PRKCZ: variants seen among roughly 807,000 people sequenced by gnomAD.
The protein encoded by PRKCZ is protein kinase C zeta.
A neutral mutation model predicts 79.5 loss-of-function variants in PRKCZ; 33 were observed. That is an observed-to-expected ratio of 0.41 (90% confidence interval 0.31 to 0.55). The LOEUF is 0.55. PRKCZ is among the 20% of genes least tolerant of loss of function. The pLI is 0.19. For missense variants in PRKCZ, 578 were observed against 813.5 expected (o/e 0.71, Z 3.52); for synonymous variants, 342 against 320.9 (o/e 1.07, Z -0.70).
Position 2,059,589 on chromosome 1 carries a change from A to C in PRKCZ, c.332A>C (p.Asp111Ala), listed in dbSNP as rs781419399. ...CCTGGCCTGCCATGTCCGGGAGAAGACAGTGAGTACTGGGGTTTCCTACGC... is the reference window on the plus strand; with the variant it reads ...CCTGGCCTGCCATGTCCGGGAGAAGCCAGTGAGTACTGGGGTTTCCTACGC... ...EQPGLPCPGE[D>A]KSIYRRGARR... Residue 111 changes from aspartate (D) to alanine (A), a missense_variant and splice_region_variant, in exon 4 of 18, where the codon GAC (aspartate) becomes GCC (alanine). By Grantham distance (126) the Asp-to-Ala change is moderately radical (BLOSUM62 -2). Around this residue, in one of 4 missense-constraint regions of PRKCZ, gnomAD observed 228 missense variants for 211.6 expected, o/e 1.08. Transcript: ENST00000378567. The C allele has an allele frequency of 7.4e-6, 12 of 1,614,148 alleles. No homozygotes were observed. Among genetic ancestry groups the C allele is most frequent in the Admixed American group, 1.7e-5 (1 of 60,028 alleles).
intron 4 of PRKCZ, among the ~76,000 whole-genome samples, chr1:2,123,577 A>G (rs867917992): frequency 4.9e-5 from 3 of 61,196 alleles, no homozygotes; most frequent in Non-Finnish European, 6.3e-5. Flanking sequence ...TCACGGTGGT[A>G]GTTAGGGTCA....
At chr1:2,180,344 C>T (rs1038700232) in intron 16 of PRKCZ, among the ~76,000 whole-genome samples, 10 of 152,174 alleles carry the variant, frequency 6.6e-5, no homozygotes, top group South Asian at 2.1e-4. Flanking sequence ...CACAGACGCC[C>T]GGACGACGTG....
At chr1:2,055,242 A>G (rs1193785405) in intron 1 of PRKCZ, among the ~76,000 whole-genome samples, 199 bp from the exon 2 acceptor site, 3 of 128,926 alleles carry the variant, frequency 2.3e-5, no homozygotes, top group East Asian at 2.8e-4. Flanking sequence ...GTGCTTGGCA[A>G]TGGTGGCCAT....
At chr1:2,124,570 G>T (rs145919249) in intron 4 of PRKCZ, among the ~76,000 whole-genome samples, 1 of 152,126 alleles carries the variant, frequency 6.6e-6, no homozygotes, top group Non-Finnish European at 1.5e-5. Context: ...ACCCCGCCCT[G>T]CAGGTTCCGT....
intron 4 of PRKCZ, among the ~76,000 whole-genome samples, chr1:2,113,753 C>T (rs1670203252): frequency 6.6e-6 from 1 of 152,076 alleles, no homozygotes; most frequent in Non-Finnish European, 1.5e-5. Flanking sequence ...GCACAGAGGA[C>T]TCATGGGGCA....
rs1261430186 is a variant in PRKCZ, at chr1:2,050,537, C to A, written c.-94C>A. On this transcript the variant is annotated 5_prime_UTR_variant, in exon 1 of 18. Transcript: ENST00000378567. ...CGCCGTCGGTCCTGAGCGCTGCCTT[C>A]CGCGTTCCGCCGCGGCCCCACCTGG... The A allele has an allele frequency of 7.6e-6, 6 of 794,148 alleles. No individual in the cohort carries two copies. Among genetic ancestry groups the A allele is most frequent in the Non-Finnish European group, 1.0e-5 (6 of 598,884 alleles). 49.2% of individuals were successfully genotyped at this position (794,148 alleles called of 1,614,324 possible).
Position 2,083,000 on chromosome 1 carries a change from C to T in PRKCZ, c.334+23409C>T, listed in dbSNP as rs938382960. 6.6e-6 allele frequency among the ~76,000 whole-genome samples: 1 copy of T among 152,140 alleles called. No individual in the cohort carries two copies. The highest frequency in any genetic ancestry group is 2.4e-5 in the African/African-American group (1 of 41,424). On this transcript the variant is annotated intron_variant, in intron 4 of 17. Coordinates refer to ENST00000378567, the MANE Select transcript of PRKCZ (RefSeq NM_002744.6). The surrounding 1 kb of genome is among the most constrained non-coding windows in gnomAD (Gnocchi z 4.4). ...GTGTCCACACCTTGGGTGCCCCCGT[C>T]CTCCCTCTCCTCATGTCCTAATAGG... is the stretch of plus-strand genomic sequence containing the variant.
At chr1:2,073,959 T>C (rs1339694422) in intron 4 of PRKCZ, 34 of 1,373,802 alleles carry the variant, frequency 2.5e-5, no homozygotes, top group Admixed American at 3.1e-5. Flanking sequence ...CCCGTGGATT[T>C]TCCGCGCCCC....
At chr1:2,056,404 T>C in intron 2 of PRKCZ, 80 bp from the exon 3 acceptor site, 1 of 1,306,938 alleles carries the variant, frequency 7.7e-7, no homozygotes, top group Non-Finnish European at 1.1e-6. Flanking sequence ...GACCCTTGTC[T>C]GGTGTGCTGA....
intron 4 of PRKCZ, among the ~76,000 whole-genome samples, chr1:2,118,495 G>A (rs1413431772): frequency 2.0e-5 from 3 of 151,746 alleles, no homozygotes; most frequent in African/African-American, 2.4e-5. Flanking sequence ...CTGCCACCGC[G>A]CCTAGCTAAT....
Position 2,124,303 on chromosome 1 carries a change from AGTTAGGGTCACGGTGGTG to A in PRKCZ, c.335-10927_335-10910del, listed in dbSNP as rs1557627520. On this transcript the variant is annotated intron_variant, in intron 4 of 17. Transcript: ENST00000378567. ...CGGCTGTAGTTAGCGTCACGGTGGT[AGTTAGGGTCACGGTGGTG>A]GTTAGGGTCACGGTGGTGGTTAGGG... Among the ~76,000 whole-genome samples, 8 of 113,506 alleles carry A rather than the reference AGTTAGGGTCACGGTGGTG, an allele frequency of 7.0e-5. 2 individuals are homozygous for A. Among genetic ancestry groups the A allele is most frequent in the East Asian group, 4.9e-4 (2 of 4,046 alleles). 74.5% of individuals were successfully genotyped at this position (113,506 alleles called of 152,430 possible).
In PRKCZ at chr1:2,174,743, C is replaced by T. The variant is rs750894992; in HGVS notation, c.1406-11C>T. On this transcript the variant is annotated splice_polypyrimidine_tract_variant and intron_variant, in intron 14 of 17. Coordinates refer to ENST00000378567, the MANE Select transcript of PRKCZ (RefSeq NM_002744.6). This position sits in a 1 kb window ranked among gnomAD's most constrained non-coding sequence, Gnocchi z 6.2. ...ACACAGGCAAGTCCTCACCAGGCTC[C>T]GCCCTTGCAGTGATCCTGGAGAAGC... 39 of 1,612,930 alleles carry T rather than the reference C, an allele frequency of 2.4e-5. No homozygotes were observed. The South Asian group carries it at 3.0e-4, about 12-fold the overall frequency.
chr1:2,069,544 T>C (rs950435165), intron 4 of PRKCZ, among the ~76,000 whole-genome samples: 8 of 152,122 alleles, frequency 5.3e-5, no homozygotes, highest in Non-Finnish European at 8.8e-5. Context: ...CAGACCCCCA[T>C]TGGAGCGAGT....
At chr1:2,110,216 G>A (rs1669448313) in intron 4 of PRKCZ, among the ~76,000 whole-genome samples, 1 of 147,502 alleles carries the variant, frequency 6.8e-6, no homozygotes, top group South Asian at 2.2e-4. Context: ...TGAATCCGGG[G>A]CCCTCCCTGG....
At chr1:2,067,471 G>C (rs1013437665) in intron 4 of PRKCZ, among the ~76,000 whole-genome samples, 1 of 152,192 alleles carries the variant, frequency 6.6e-6, no homozygotes, top group South Asian at 2.1e-4. Flanking sequence ...TGGTTTTTTG[G>C]GGGAGGTGAG....
At chr1:2,088,942 T>C (rs1301759096) in intron 4 of PRKCZ, among the ~76,000 whole-genome samples, 1 of 152,228 alleles carries the variant, frequency 6.6e-6, no homozygotes, top group Non-Finnish European at 1.5e-5. Flanking sequence ...TTTTGTTTTA[T>C]TTTGTTTTGT....
At chr1:2,148,394 GTCTA>G (rs559159427) in intron 7 of PRKCZ, among the ~76,000 whole-genome samples, 149 of 125,172 alleles carry the variant, frequency 1.2e-3, no homozygotes, top group African/African-American at 4.2e-3. Flanking sequence ...TGACCTCTCC[GTCTA>G]TCCATCCATC....
In PRKCZ at chr1:2,174,564, A is replaced by G. The variant is rs1417190725; in HGVS notation, c.1406-190A>G. 6.6e-6 allele frequency among the ~76,000 whole-genome samples: 1 copy of G among 152,252 alleles called. No individual in the cohort carries two copies. Among genetic ancestry groups the G allele is most frequent in the Admixed American group, 6.5e-5 (1 of 15,286 alleles). ...CCGATCCTACGACACGTGCCAGCGC[A>G]TGTAACCAGGAGGCCCAGGGAGGAC... On this transcript the variant is annotated intron_variant, in intron 14 of 17. Transcript: ENST00000378567. This position sits in a 1 kb window ranked among gnomAD's most constrained non-coding sequence, Gnocchi z 6.2.
intron 4 of PRKCZ, among the ~76,000 whole-genome samples, chr1:2,062,234 A>G (rs558469640): frequency 6.6e-6 from 1 of 152,086 alleles, no homozygotes; most frequent in Non-Finnish European, 1.5e-5. Context: ...CAAAAAGGGA[A>G]CCCCGTGCCC....
Sources: gnomAD v4.1 joint callset for allele counts (sites outside exome capture counted in the v4.1 genomes callset) on GRCh38, gnomAD v4.1.1 for gene constraint, gnomAD v4.1.1 regional missense constraint, Gnocchi (gnomAD v3.1) non-coding constraint, MANE v1.5 for transcripts, NCBI Gene and HGNC (gene_info 2026-07-23, HGNC 2026-07-21) for gene names.